CHCHD5: variants seen among roughly 807,000 people sequenced by gnomAD.
The protein encoded by CHCHD5 is coiled-coil-helix-coiled-coil-helix domain containing 5, also known as coiled-coil-helix-coiled-coil-helix domain-containing protein 5.
In CHCHD5, 10 loss-of-function variants were observed where a neutral mutation model predicts 16.0. That is an observed-to-expected ratio of 0.63 (90% confidence interval 0.39 to 1.06). CHCHD5 has a LOEUF of 1.06. Among genes scored for constraint, CHCHD5 ranks in the 50% least tolerant of loss-of-function variants. The probability of loss-of-function intolerance (pLI) is 0.01; values close to 1 mark genes in which losing one functional copy is unlikely to be tolerated. For synonymous variants in CHCHD5, 55 were observed against 56.3 expected, an observed-to-expected ratio of 0.98 and a Z score of 0.10; for missense variants, 163 against 153.4, an observed-to-expected ratio of 1.06 and a Z score of -0.33.
upstream of CHCHD5, chr2:112,584,582 G>C: frequency 1.2e-6 from 2 of 1,610,246 alleles, no homozygotes; most frequent in Non-Finnish European, 1.7e-6. Context: ...GCGCCGCCAT[G>C]ACAACCGATA....
chr2:112,588,634 C>T (rs1486522236), intron 3 of CHCHD5: 4 of 522,770 alleles, frequency 7.7e-6, no homozygotes, highest in Non-Finnish European at 1.4e-5. Flanking sequence ...GTTTTGCCTG[C>T]TGGGTACACG....
At position 112,586,195 on chromosome 2, in the gene CHCHD5, C is replaced by G. The variant is rs758871972; in HGVS notation, c.144-5C>G. 8 of 1,609,426 alleles carry G rather than the reference C, an allele frequency of 5.0e-6. No homozygotes were observed. Among genetic ancestry groups the G allele is most frequent in the South Asian group, 4.4e-5 (4 of 91,002 alleles). ...CCCAGGGGCTGAACTGCCCTACCCCCACAGCCCAATCATCCGCCAGATCCG... is the reference window on the plus strand; with the variant it reads ...CCCAGGGGCTGAACTGCCCTACCCCGACAGCCCAATCATCCGCCAGATCCG... On this transcript the variant is annotated splice_polypyrimidine_tract_variant and splice_region_variant and intron_variant, in intron 2 of 3. Coordinates refer to ENST00000324913, the MANE Select transcript of CHCHD5 (RefSeq NM_032309.4).
intron 3 of CHCHD5, chr2:112,587,406 G>C (rs1685255487): frequency 6.6e-6 from 1 of 152,302 alleles, no homozygotes; most frequent in South Asian, 2.1e-4. Flanking sequence ...TGAACATGCA[G>C]TTACTCAAGT....
In CHCHD5 at chr2:112,588,905, C is replaced by G; in HGVS notation, c.*16C>G. 1 of 1,605,330 alleles carries G rather than the reference C, an allele frequency of 6.2e-7. No homozygotes were observed. On this transcript the variant is annotated 3_prime_UTR_variant, in exon 4 of 4. Coordinates refer to ENST00000324913, the MANE Select transcript of CHCHD5 (RefSeq NM_032309.4). ...TGCCTCCTGAGGACTCCTCTGACGG[C>G]AGGAAAACTGGACATGAATGACTGC...
chr2:112,586,302 T>C lies in CHCHD5; in HGVS notation c.246T>C (p.His82=), dbSNP rs774566764. Residue 82 remains histidine (H), a synonymous_variant, in exon 3 of 4, where the codon CAT becomes CAC. Transcript: ENST00000324913. ...CAGCTGTGGGCAACTGTGCAGAGCA[T>C]ATGCGCCGCTTCCTGCAGTGCGCTG... ...NEAAVGNCAE[H]MRRFLQCAEQ... is the part of the protein sequence containing the mutation. The C allele has an allele frequency of 6.2e-6, 10 of 1,614,132 alleles. No homozygotes were observed. The Admixed American group carries it at 1.7e-4, about 27-fold the overall frequency.
chr2:112,588,789 C>T, intron 3 of CHCHD5, 77 bp from the exon 4 acceptor site: 1 of 1,144,068 alleles, frequency 8.7e-7, no homozygotes, highest in South Asian at 1.2e-5. Context: ...CAGGGTCTCC[C>T]TCTGTGGTGT....
chr2:112,584,577 G>A (rs1685143788), upstream of CHCHD5: 1 of 1,606,826 alleles, frequency 6.2e-7, no homozygotes, highest in East Asian at 2.2e-5. Flanking sequence ...GCTGGGCGCC[G>A]CCATGACAAC....
chr2:112,586,810 C>T (rs764503922), intron 3 of CHCHD5: 2 of 495,966 alleles, frequency 4.0e-6, no homozygotes, highest in Non-Finnish European at 7.0e-6. Flanking sequence ...TCTTCTTTCT[C>T]ACTACTCCTC....
Position 112,586,289 on chromosome 2 carries a change from A to G in CHCHD5, c.233A>G (p.Asn78Ser), listed in dbSNP as rs576226346. Residue 78 changes from asparagine (N) to serine (S), a missense_variant, in exon 3 of 4, where the codon AAC becomes AGC. By Grantham distance (46) the Asn-to-Ser change is conservative. Transcript: ENST00000324913. Reference protein sequence around the residue: ...CLRQNEAAVGNCAEHMRRFLQ... With the variant: ...CLRQNEAAVGSCAEHMRRFLQ... ...CGACAGAACGAGGCAGCTGTGGGCA[A>G]CTGTGCAGAGCATATGCGCCGCTTC... 2 of 1,614,222 alleles carry G rather than the reference A, an allele frequency of 1.2e-6. No homozygotes were observed. The highest frequency in any genetic ancestry group is 2.7e-5 in the African/African-American group (2 of 75,058).
At position 112,586,203 on chromosome 2, in the gene CHCHD5, A is replaced by T. The variant is rs1423017457; in HGVS notation, c.147A>T (p.Pro49=). 8.7e-6 allele frequency: 14 copies of T among 1,609,614 alleles called. No individual in the cohort carries two copies. The highest frequency in any genetic ancestry group is 1.2e-5 in the Non-Finnish European group (14 of 1,176,166). Reference sequence around the variant, plus strand: ...CTGAACTGCCCTACCCCCACAGCCCAATCATCCGCCAGATCCGCCAGGCCT... The same window carrying T: ...CTGAACTGCCCTACCCCCACAGCCCTATCATCCGCCAGATCCGCCAGGCCT... ...MSIAQCTSSH[P]IIRQIRQACA... The change falls in exon 3 of 4, where the codon CCA becomes CCT. Residue 49 remains proline, a synonymous_variant. Transcript: ENST00000324913.
In CHCHD5 at chr2:112,588,931, C is replaced by A. The variant is rs201419705; in HGVS notation, c.*42C>A. On this transcript the variant is annotated 3_prime_UTR_variant, in exon 4 of 4. Transcript: ENST00000324913. Reference sequence around the variant, plus strand: ...AGGAAAACTGGACATGAATGACTGCCCCCACGCCCCTCCCCTGCAGAGTGG... The same window carrying A: ...AGGAAAACTGGACATGAATGACTGCACCCACGCCCCTCCCCTGCAGAGTGG... 6.6e-6 allele frequency: 10 copies of A among 1,518,444 alleles called. No individual in the cohort carries two copies. The African/African-American group carries it at 1.1e-4, about 17-fold the overall frequency. The allele number at this position is 1,518,444 out of a possible 1,614,324, so 94.1% of individuals were successfully genotyped here.
chr2:112,588,369 TTTTTCCTTCCTAGCTAG>T, intron 3 of CHCHD5: 1 of 152,506 alleles, frequency 6.6e-6, no homozygotes. Flanking sequence ...CCAGTTACAG[TTTTTCCTTCCTAGCTAG>T]GGGCAGTGAG....
intron 1 of CHCHD5, among the ~76,000 whole-genome samples, chr2:112,585,583 C>T (rs1444896356): frequency 6.6e-6 from 1 of 152,194 alleles, no homozygotes; most frequent in Non-Finnish European, 1.5e-5. Flanking sequence ...AACTCCTAGT[C>T]CTACTTCAGA....
intron 1 of CHCHD5, among the ~76,000 whole-genome samples, chr2:112,585,724 C>T (rs1379274059): frequency 3.3e-5 from 5 of 152,124 alleles, no homozygotes; most frequent in Admixed American, 2.6e-4. Context: ...CATAGCAAGA[C>T]CCTGTCTCTA....
At chr2:112,587,798 C>G (rs1685265750) in intron 3 of CHCHD5, 1 of 152,322 alleles carries the variant, frequency 6.6e-6, no homozygotes, top group Non-Finnish European at 1.5e-5. Context: ...CGATCACATA[C>G]TGTTCTCAGT....
intron 3 of CHCHD5, chr2:112,586,870 CTT>C (rs1685242777): frequency 5.6e-6 from 2 of 357,676 alleles, no homozygotes; most frequent in Non-Finnish European, 1.0e-5. Context: ...AAAGGTCACT[CTT>C]TTAAATGTAT....
At chr2:112,586,631 A>G (rs961591303) in intron 3 of CHCHD5, 3 of 1,466,650 alleles carry the variant, frequency 2.0e-6, no homozygotes, top group African/African-American at 2.8e-5. Context: ...TCTTGCCTCC[A>G]TAAAGCGGCC....
chr2:112,585,903 TAA>T (rs3838313), intron 1 of CHCHD5, 69 bp from the exon 2 acceptor site: 1,180 of 1,272,336 alleles, frequency 9.3e-4, no homozygotes, highest in Middle Eastern at 1.6e-3. Flanking sequence ...CTCTAAAAAA[TAA>T]AAAAAAAAAA....
intron 1 of CHCHD5, 118 bp from the exon 2 acceptor site, chr2:112,585,856 C>G (rs1685193553): frequency 6.1e-6 from 7 of 1,145,364 alleles, no homozygotes; most frequent in Non-Finnish European, 7.3e-6. Context: ...TATGATCGTG[C>G]CACTGCACTC....
Sources: allele counts gnomAD v4.1 joint callset (sites outside exome capture counted in the v4.1 genomes callset), GRCh38; gene constraint gnomAD v4.1.1; transcripts MANE v1.5; gene names NCBI Gene and HGNC (gene_info 2026-07-23, HGNC 2026-07-21).